KIAA1217: variants seen among roughly 807,000 people sequenced by gnomAD.
KIAA1217 encodes KIAA1217.
KIAA1217 carries 88 observed loss-of-function variants against 163.9 expected under a neutral mutation model. The ratio of observed to expected loss-of-function variants is 0.54; its 90% CI spans 0.45 to 0.64. The LOEUF (loss-of-function observed/expected upper bound fraction) is 0.64. KIAA1217 is among the 30% of genes least tolerant of loss of function. The pLI, the probability that KIAA1217 is intolerant of heterozygous loss-of-function variation, is 0.00. For synonymous variants in KIAA1217, 903 were observed against 923.1 expected, an observed-to-expected ratio of 0.98 and a Z score of 0.39; for missense variants, 2,372 against 2,475.0, an observed-to-expected ratio of 0.96 and a Z score of 0.88.
At chr10:24,516,897 T>C (rs1475366760) in intron 10 of KIAA1217, among the ~76,000 whole-genome samples, 1 of 152,192 alleles carries the variant, frequency 6.6e-6, no homozygotes. Flanking sequence ...CAGTGGCTCA[T>C]GCCTGTAACC....
chr10:24,158,659 G>A, intron 2 of KIAA1217: 1 of 511,858 alleles, frequency 2.0e-6, no homozygotes, highest in Non-Finnish European at 3.9e-6. Context: ...AGCACAACCT[G>A]AAAGTACTCC....
intron 2 of KIAA1217, among the ~76,000 whole-genome samples, chr10:24,068,229 G>A (rs1028329188): frequency 3.9e-5 from 6 of 152,294 alleles, no homozygotes; most frequent in South Asian, 2.1e-4. Context: ...CGTCTTCTGC[G>A]TCGCTCACAC....
intron 1 of KIAA1217, among the ~76,000 whole-genome samples, chr10:23,781,202 C>T (rs372727913): frequency 2.4e-4 from 37 of 152,282 alleles, no homozygotes; most frequent in African/African-American, 8.9e-4. Flanking sequence ...TCCATAATAG[C>T]TACACTAATT....
intron 1 of KIAA1217, among the ~76,000 whole-genome samples, chr10:23,758,703 T>G (rs1368936532): frequency 7.3e-6 from 1 of 136,696 alleles, no homozygotes; most frequent in Non-Finnish European, 1.6e-5. Context: ...TTTTTTTTTT[T>G]GTTTCAGAAT....
In KIAA1217 at chr10:23,987,600, T is replaced by G. The variant is rs1479650231; in HGVS notation, c.-320-19625T>G. On this transcript the variant is annotated intron_variant, in intron 1 of 18. Coordinates refer to the KIAA1217 transcript ENST00000376462. ...TAATGTATTCATTACCTCACATTCT[T>G]ATTTGTGTGTGTGTGTGTGTGTGTA... is the stretch of plus-strand genomic sequence containing the variant. Among the ~76,000 whole-genome samples the G allele has an allele frequency of 3.9e-5, 5 of 126,664 alleles. No individual in the cohort carries two copies. In the South Asian group the frequency reaches 1.2e-3, roughly 29 times the overall value. The allele number at this position is 126,664 out of a possible 152,430, so 83.1% of individuals were successfully genotyped here.
chr10:24,093,382 G>C (rs562028877), intron 2 of KIAA1217, among the ~76,000 whole-genome samples: 1 of 151,578 alleles, frequency 6.6e-6, no homozygotes, highest in East Asian at 1.9e-4. Flanking sequence ...ATGTTTGCCA[G>C]GCTGGTCTTG....
At chr10:23,864,830 T>C (rs918035979) in intron 1 of KIAA1217, among the ~76,000 whole-genome samples, 1 of 152,148 alleles carries the variant, frequency 6.6e-6, no homozygotes, top group African/African-American at 2.4e-5. Context: ...GCTGGCAGGC[T>C]GGAGGCCAAG....
At chr10:23,768,540 G>C (rs1309334252) in intron 1 of KIAA1217, among the ~76,000 whole-genome samples, 2 of 152,166 alleles carry the variant, frequency 1.3e-5, no homozygotes, top group Admixed American at 6.5e-5. Flanking sequence ...TCTACTAAAA[G>C]ATACCTAACT....
chr10:23,709,161 A>C (rs1837072334), intron 1 of KIAA1217, among the ~76,000 whole-genome samples: 2 of 152,140 alleles, frequency 1.3e-5, no homozygotes, highest in South Asian at 4.1e-4. Context: ...GCCTGCGGCC[A>C]CTTGACACTT....
chr10:24,158,551 T>C (rs2131878816), intron 2 of KIAA1217: 1 of 511,584 alleles, frequency 2.0e-6, no homozygotes. Flanking sequence ...TGGTGTAAAA[T>C]CCTGTATTGA....
rs187461718 is a variant in KIAA1217, at chr10:24,541,135, A to T, written c.3535-1558A>T. Among the ~76,000 whole-genome samples the T allele has an allele frequency of 5.1e-3, 773 of 150,462 alleles. 7 individuals carry two copies. Among genetic ancestry groups the T allele is most frequent in the Middle Eastern group, 0.038 (11 of 290 alleles). On this transcript the variant is annotated intron_variant, in intron 17 of 20. Transcript: ENST00000376454. Reference sequence around the variant, plus strand: ...TGCCATGTTGCCCAGGCTGTTCTCGAACTCCTAGACTCAAGCAATCCTCCT... The same window carrying T: ...TGCCATGTTGCCCAGGCTGTTCTCGTACTCCTAGACTCAAGCAATCCTCCT...
intron 1 of KIAA1217, among the ~76,000 whole-genome samples, chr10:23,759,608 C>A (rs932474447): frequency 2.6e-5 from 4 of 152,158 alleles, no homozygotes; most frequent in African/African-American, 7.2e-5. Flanking sequence ...TACAGTTTCT[C>A]TGAATGTCTG....
chr10:24,324,228 A>T (rs2044569473), intron 2 of KIAA1217, among the ~76,000 whole-genome samples: 1 of 152,042 alleles, frequency 6.6e-6, no homozygotes, highest in African/African-American at 2.4e-5. Flanking sequence ...TGATCACACC[A>T]CTGCACTCCA....
intron 1 of KIAA1217, among the ~76,000 whole-genome samples, chr10:23,714,818 G>T (rs1217588466): frequency 6.6e-6 from 1 of 152,086 alleles, no homozygotes; most frequent in African/African-American, 2.4e-5. Flanking sequence ...GGGAACTCAT[G>T]GGCAGAAGCA....
intron 1 of KIAA1217, among the ~76,000 whole-genome samples, chr10:23,730,246 T>C (rs186856592): frequency 7.2e-5 from 11 of 151,876 alleles, no homozygotes; most frequent in African/African-American, 1.9e-4. Flanking sequence ...GTCTAGATTC[T>C]TTTTTTTTCT....
intron 1 of KIAA1217, among the ~76,000 whole-genome samples, chr10:23,794,280 T>A (rs1188685905): frequency 6.6e-6 from 1 of 152,218 alleles, no homozygotes; most frequent in Non-Finnish European, 1.5e-5. Context: ...TTTTGGGGAA[T>A]ATCCTAACAC....
intron 2 of KIAA1217, among the ~76,000 whole-genome samples, chr10:24,344,446 C>T (rs191385004): frequency 6.6e-6 from 1 of 152,300 alleles, no homozygotes; most frequent in East Asian, 1.9e-4. Context: ...CAGTTGAGAC[C>T]TATTCCTTCT....
chr10:24,222,234 T>C (rs7072944), intron 2 of KIAA1217, among the ~76,000 whole-genome samples: 86,071 of 152,032 alleles, frequency 0.57, 24,441 homozygotes, highest in Middle Eastern at 0.64. Context: ...ACATTGCTAG[T>C]TCTGCCATGG....
rs756606695 is a variant in KIAA1217 at position 24,318,304 on chromosome 10, T to G, written c.355-62565T>G. 4.4e-4 allele frequency among the ~76,000 whole-genome samples: 67 copies of G among 152,124 alleles called. 1 individual carries two copies. The highest frequency in any genetic ancestry group is 6.5e-4 in the Non-Finnish European group (44 of 68,018). On this transcript the variant is annotated intron_variant, in intron 2 of 20. Coordinates refer to ENST00000376454, the MANE Select transcript of KIAA1217 (RefSeq NM_019590.5). ...TAGACAGATAGACAGACAGACAGAC[T>G]GATTGAGTAAAGCAGATTATCTTCT...
Sources: gnomAD v4.1 joint callset for allele counts (sites outside exome capture counted in the v4.1 genomes callset) on GRCh38, gnomAD v4.1.1 for gene constraint, MANE v1.5 for transcripts, NCBI Gene and HGNC (gene_info 2026-07-23, HGNC 2026-07-21) for gene names.